The following TRERF1 variants were observed in gnomAD, a reference collection of about 807,000 sequenced individuals.
TRERF1 encodes transcriptional-regulating factor 1.
TRERF1 carries 27 observed loss-of-function variants against 122.9 expected under a neutral mutation model. That is an observed-to-expected ratio of 0.22 (90% confidence interval 0.16 to 0.30). The LOEUF is 0.30. TRERF1 is among the 10% of genes least tolerant of loss of function. The pLI, the probability that TRERF1 is intolerant of heterozygous loss-of-function variation, is 1.00. For synonymous variants in TRERF1, 636 were observed against 641.7 expected (o/e 0.99, Z 0.13); for missense variants, 1,248 against 1,560.3 (o/e 0.80, Z 3.37).
intron 4 of TRERF1, among the ~76,000 whole-genome samples, chr6:42,292,994 C>T (rs983166195): frequency 9.8e-5 from 15 of 152,324 alleles, no homozygotes; most frequent in African/African-American, 3.1e-4. Flanking sequence ...TACAGCCTTT[C>T]CTGCTTAAAT....
chr6:42,294,948 A>T (rs1784850300), intron 4 of TRERF1, among the ~76,000 whole-genome samples: 1 of 152,078 alleles, frequency 6.6e-6, no homozygotes, highest in South Asian at 2.1e-4. Context: ...CAGAATACAG[A>T]AGGGGCAGGA....
At position 42,359,678 on chromosome 6, in the gene TRERF1, C is replaced by T. The variant is rs1395536242; in HGVS notation, c.-371+3319G>A. Among the ~76,000 whole-genome samples, 7 of 152,200 alleles carry T rather than the reference C, an allele frequency of 4.6e-5. No homozygotes were observed. The South Asian group carries it at 6.2e-4, about 14-fold the overall frequency. ...GGCGGAGGTTGCAGTGAGCCGAGAT[C>T]GCACCACAACACTCTAGCCTGGTGA... On this transcript the variant is annotated intron_variant, in intron 3 of 17. Transcript: ENST00000372922.
chr6:42,328,008 T>C (rs868043294), intron 3 of TRERF1, among the ~76,000 whole-genome samples: 12 of 125,610 alleles, frequency 9.6e-5, no homozygotes, highest in Non-Finnish European at 1.3e-4. Flanking sequence ...TTCTTTCTTT[T>C]TTTTTTTTTT....
chr6:42,247,251 G>C (rs992346817), intron 13 of TRERF1, among the ~76,000 whole-genome samples: 1 of 152,222 alleles, frequency 6.6e-6, no homozygotes, highest in Non-Finnish European at 1.5e-5. Context: ...GATGTGCAAA[G>C]TCAGAGGCAA....
At chr6:42,365,917 A>G (rs542551754) in intron 2 of TRERF1, among the ~76,000 whole-genome samples, 23 of 152,304 alleles carry the variant, frequency 1.5e-4, no homozygotes, top group African/African-American at 5.3e-4. Context: ...TCCTCAATAC[A>G]GGAACATTCC....
intron 3 of TRERF1, among the ~76,000 whole-genome samples, chr6:42,314,474 C>T (rs1762165570): frequency 6.6e-6 from 1 of 152,244 alleles, no homozygotes; most frequent in Admixed American, 6.5e-5. Flanking sequence ...TAAAAAAATA[C>T]TGGCCGAGTG....
intron 16 of TRERF1, among the ~76,000 whole-genome samples, chr6:42,235,052 C>T (rs1264493304): frequency 6.6e-6 from 1 of 151,900 alleles, no homozygotes. Flanking sequence ...CTGTTCTCTT[C>T]AAAGTGAATG....
At chr6:42,225,217 T>TC, downstream of TRERF1, 1 of 151,076 alleles carries the variant, frequency 6.6e-6, no homozygotes, top group African/African-American at 2.4e-5. Context: ...TTTCTTTTTT[T>TC]TTTTTTTAAG....
intron 10 of TRERF1, among the ~76,000 whole-genome samples, chr6:42,257,749 C>T (rs1315975059): frequency 6.6e-6 from 1 of 152,220 alleles, no homozygotes; most frequent in East Asian, 1.9e-4. Context: ...AATTAAAGTA[C>T]TTAACAAGCC....
chr6:42,233,452 AT>A (rs769858016), intron 16 of TRERF1, among the ~76,000 whole-genome samples: 1 of 150,704 alleles, frequency 6.6e-6, no homozygotes, highest in Non-Finnish European at 1.5e-5. Flanking sequence ...CGCCTGGCTA[AT>A]TTTTTGTAGT....
At chr6:42,240,369 T>C (rs1256785321) in intron 15 of TRERF1, among the ~76,000 whole-genome samples, 1 of 152,210 alleles carries the variant, frequency 6.6e-6, no homozygotes, top group Admixed American at 6.5e-5. Flanking sequence ...ATTTTGCCCC[T>C]CTTCCAAAAC....
chr6:42,425,169 C>T (rs1248162844), intron 2 of TRERF1, among the ~76,000 whole-genome samples: 1 of 152,038 alleles, frequency 6.6e-6, no homozygotes, highest in African/African-American at 2.4e-5. Flanking sequence ...GGAACTGGAG[C>T]GATTAGCCAT....
At chr6:42,330,076 C>T (rs1046571763) in intron 3 of TRERF1, among the ~76,000 whole-genome samples, 1 of 152,038 alleles carries the variant, frequency 6.6e-6, no homozygotes, top group Admixed American at 6.6e-5. Context: ...AAATTAATTT[C>T]CCTCTGCATA....
intron 3 of TRERF1, among the ~76,000 whole-genome samples, chr6:42,325,989 C>T (rs1764216387): frequency 1.3e-5 from 2 of 152,122 alleles, no homozygotes; most frequent in South Asian, 2.1e-4. Flanking sequence ...AACACGGGTA[C>T]ACATGGATGA....
chr6:42,435,959 G>C (rs1232180057), intron 2 of TRERF1, among the ~76,000 whole-genome samples: 1 of 151,850 alleles, frequency 6.6e-6, no homozygotes, highest in African/African-American at 2.4e-5. Context: ...CAGCCCAGGC[G>C]ACAGTGCGAG....
intron 17 of TRERF1, among the ~76,000 whole-genome samples, chr6:42,230,676 G>T (rs142999628): frequency 6.6e-6 from 1 of 152,332 alleles, no homozygotes; most frequent in East Asian, 1.9e-4. Context: ...CCAGTGTGTG[G>T]TGGGTGGTGA....
At chr6:42,262,454 GA>G (rs1778216185) in intron 8 of TRERF1, among the ~76,000 whole-genome samples, 1 of 10,602 alleles carries the variant, frequency 9.4e-5, no homozygotes, top group Admixed American at 5.3e-4. Context: ...GAGAGAGAGA[GA>G]GAGAGAGAGA....
chr6:42,401,180 A>G (rs1277772239), intron 2 of TRERF1, among the ~76,000 whole-genome samples: 2 of 152,188 alleles, frequency 1.3e-5, no homozygotes, highest in Non-Finnish European at 2.9e-5. Flanking sequence ...CTCAGTGGAG[A>G]GGCAGCAACC....
At chr6:42,290,751 T>C (rs1439016265) in intron 4 of TRERF1, among the ~76,000 whole-genome samples, 1 of 145,382 alleles carries the variant, frequency 6.9e-6, no homozygotes, top group Non-Finnish European at 1.5e-5. Flanking sequence ...CTTTTTTTTT[T>C]TTTTTTTTTT....
Sources: allele counts gnomAD v4.1 joint callset (sites outside exome capture counted in the v4.1 genomes callset), GRCh38; gene constraint gnomAD v4.1.1; transcripts MANE v1.5; gene names NCBI Gene and HGNC (gene_info 2026-07-23, HGNC 2026-07-21).